The following LINGO2 variants were observed in gnomAD, a reference collection of about 807,000 sequenced individuals.
The protein encoded by LINGO2 is leucine rich repeat and Ig domain containing 2.
LINGO2 carries 14 observed loss-of-function variants against 30.6 expected under a neutral mutation model. The observed-to-expected ratio is 0.46, with a 90% CI of 0.30 to 0.72. The LOEUF is 0.72. Ranked by LOEUF, LINGO2 falls within the 30% of genes least tolerant of loss-of-function variation. The pLI, the probability that LINGO2 is intolerant of heterozygous loss-of-function variation, is 0.07. For missense variants in LINGO2, 729 were observed against 751.7 expected, an observed-to-expected ratio of 0.97 and a Z score of 0.35; for synonymous variants, 317 against 288.5, an observed-to-expected ratio of 1.10 and a Z score of -1.00.
intron 4 of LINGO2, among the ~76,000 whole-genome samples, chr9:28,017,284 A>T (rs535973662): frequency 6.6e-6 from 1 of 152,182 alleles, no homozygotes; most frequent in African/African-American, 2.4e-5. Context: ...CTAGAATACC[A>T]CAAGGATGCC....
chr9:28,166,264 T>C (rs1828423649), intron 4 of LINGO2, among the ~76,000 whole-genome samples: 1 of 152,142 alleles, frequency 6.6e-6, no homozygotes, highest in Non-Finnish European at 1.5e-5. Flanking sequence ...ACACAATCTA[T>C]CATAAGTCAT....
At chr9:28,468,601 G>A (rs1361844149) in intron 2 of LINGO2, among the ~76,000 whole-genome samples, 1 of 152,028 alleles carries the variant, frequency 6.6e-6, no homozygotes, top group Non-Finnish European at 1.5e-5. Flanking sequence ...TCTGCAAGTT[G>A]GTAGATTAGA....
At position 28,626,421 on chromosome 9, in the gene LINGO2, A is replaced by G. The variant is rs980388848; in HGVS notation, c.-365+43779T>C. On this transcript the variant is annotated intron_variant, in intron 1 of 5. Transcript: ENST00000379992. Reference sequence around the variant, plus strand: ...ACTTTTAATAAAGTCCAATGTGTCAATATGTTTCCTTCATGATTTGTGCTT... The same window carrying G: ...ACTTTTAATAAAGTCCAATGTGTCAGTATGTTTCCTTCATGATTTGTGCTT... 4.6e-5 allele frequency among the ~76,000 whole-genome samples: 7 copies of G among 152,206 alleles called. No individual in the cohort carries two copies. The South Asian group carries it at 1.2e-3, about 27-fold the overall frequency.
At chr9:27,994,353 A>G (rs989274739) in intron 5 of LINGO2, among the ~76,000 whole-genome samples, 2 of 152,194 alleles carry the variant, frequency 1.3e-5, no homozygotes, top group African/African-American at 4.8e-5. Flanking sequence ...GTTTTTAAAA[A>G]AAGTTAAACA....
chr9:28,070,904 C>T (rs1484297057), intron 4 of LINGO2, among the ~76,000 whole-genome samples: 26 of 152,006 alleles, frequency 1.7e-4, no homozygotes, highest in Admixed American at 1.7e-3. Flanking sequence ...TTTTTAGTAG[C>T]GACAAGGTCT....
At chr9:29,022,886 T>G in the LINGO2 span, among the ~76,000 whole-genome samples, 5 of 152,020 alleles carry the variant, frequency 3.3e-5, no homozygotes, top group Non-Finnish European at 5.9e-5. Context: ...ATCTAGCATG[T>G]TATCTGGTAT....
chr9:28,328,449 C>T (rs922752549), intron 3 of LINGO2, among the ~76,000 whole-genome samples: 1 of 151,872 alleles, frequency 6.6e-6, no homozygotes, highest in African/African-American at 2.4e-5. Context: ...ATGCCTTCAG[C>T]ATCCTTGTAG....
the LINGO2 span, among the ~76,000 whole-genome samples, chr9:29,022,572 T>A: frequency 2.6e-5 from 4 of 152,188 alleles, no homozygotes; most frequent in African/African-American, 4.8e-5. Flanking sequence ...TCTTACAATT[T>A]AAAACACATG....
intron 4 of LINGO2, among the ~76,000 whole-genome samples, chr9:28,023,627 T>C (rs1823240188): frequency 6.6e-6 from 1 of 152,206 alleles, no homozygotes; most frequent in Admixed American, 6.5e-5. Flanking sequence ...TAGAGGATGC[T>C]GAAGTCAGAG....
chr9:29,138,649 T>C, the LINGO2 span, among the ~76,000 whole-genome samples: 59 of 152,294 alleles, frequency 3.9e-4, no homozygotes, highest in African/African-American at 1.3e-3. Context: ...CTTTAAAATT[T>C]AAAAACTTTC....
the LINGO2 span, among the ~76,000 whole-genome samples, chr9:29,189,987 CAGAGGGAGACCGTGGAAAGAGAGGA>C: frequency 1.5e-5 from 2 of 136,700 alleles, no homozygotes; most frequent in Admixed American, 8.0e-5. Flanking sequence ...GGCTGGGCAT[CAGAGGGAGACCGTGGAAAGAGAGGA>C]AGAGGGAGAC....
At chr9:28,027,484 A>T (rs1254159600) in intron 4 of LINGO2, among the ~76,000 whole-genome samples, 1 of 152,114 alleles carries the variant, frequency 6.6e-6, no homozygotes, top group Non-Finnish European at 1.5e-5. Flanking sequence ...AGCACCTTTT[A>T]TTTGTAGGGA....
At chr9:29,108,436 A>G in the LINGO2 span, among the ~76,000 whole-genome samples, 2 of 152,150 alleles carry the variant, frequency 1.3e-5, no homozygotes, top group Non-Finnish European at 2.9e-5. Flanking sequence ...CCTAAAGGAA[A>G]TACAGCAACT....
chr9:28,945,795 T>C, the LINGO2 span, among the ~76,000 whole-genome samples: 2 of 152,182 alleles, frequency 1.3e-5, no homozygotes, highest in Admixed American at 6.5e-5. Context: ...TAACGGAACA[T>C]TGTCATACAG....
the LINGO2 span, among the ~76,000 whole-genome samples, chr9:29,063,654 C>G: frequency 1.3e-5 from 2 of 152,050 alleles, no homozygotes; most frequent in Non-Finnish European, 2.9e-5. Flanking sequence ...CCTGCCTCCA[C>G]CTCTGAAAGT....
Position 28,050,119 on chromosome 9 carries a change from G to A in LINGO2, c.-86-37714C>T, listed in dbSNP as rs541905927. Among the ~76,000 whole-genome samples, 189 of 150,530 alleles carry A rather than the reference G, an allele frequency of 1.3e-3. 2 individuals are homozygous for A. The highest frequency in any genetic ancestry group is 2.4e-3 in the Non-Finnish European group (160 of 67,792). On this transcript the variant is annotated intron_variant, in intron 4 of 5. Transcript: ENST00000379992. ...AGATGGAAGGAGAGAAGAGTGAGGG[G>A]TCAAGTATAACTAGCTCTCTAGTGT... is the stretch of plus-strand genomic sequence containing the variant.
chr9:28,512,839 C>T (rs75810347), intron 1 of LINGO2, among the ~76,000 whole-genome samples: 1,862 of 151,240 alleles, frequency 0.012, 42 homozygotes, highest in African/African-American at 0.04. Flanking sequence ...GCATCTAGCA[C>T]GGGAGAAAGA....
the LINGO2 span, among the ~76,000 whole-genome samples, chr9:29,029,069 T>C: frequency 6.6e-6 from 1 of 152,136 alleles, no homozygotes; most frequent in Non-Finnish European, 1.5e-5. Flanking sequence ...TCAAGCTTCA[T>C]TGCTTCCACA....
chr9:27,964,607 A>T (rs1820007031), intron 5 of LINGO2, among the ~76,000 whole-genome samples: 1 of 152,020 alleles, frequency 6.6e-6, no homozygotes. Context: ...CTTTTCTTCT[A>T]TTGTCTCTTT....
Sources: allele counts gnomAD v4.1 joint callset (sites outside exome capture counted in the v4.1 genomes callset), GRCh38; gene constraint gnomAD v4.1.1; transcripts MANE v1.5; gene names NCBI Gene and HGNC (gene_info 2026-07-23, HGNC 2026-07-21).